Variants in DTNA observed in about 807,000 individuals in gnomAD.
DTNA encodes dystrophin-related protein 3.
Under a neutral mutation model 100.7 loss-of-function variants are expected in DTNA, and 43 were observed. The observed-to-expected ratio is 0.43, with a 90% CI of 0.33 to 0.55. The LOEUF (loss-of-function observed/expected upper bound fraction) is 0.55. DTNA is among the 20% of genes least tolerant of loss of function. The pLI is 0.04. For synonymous variants in DTNA, 349 were observed against 347.9 expected, an observed-to-expected ratio of 1.00 and a Z score of -0.04; for missense variants, 798 against 953.9, an observed-to-expected ratio of 0.84 and a Z score of 2.15.
chr18:34,832,124 T>C (rs1268975725), intron 11 of DTNA, among the ~76,000 whole-genome samples: 1 of 152,236 alleles, frequency 6.6e-6, no homozygotes, highest in Non-Finnish European at 1.5e-5. Context: ...GCCTCTCCTT[T>C]TGAAAATCAA....
At chr18:34,577,144 CTGTA>C (rs1381344609) in intron 1 of DTNA, among the ~76,000 whole-genome samples, 1 of 152,054 alleles carries the variant, frequency 6.6e-6, no homozygotes, top group Non-Finnish European at 1.5e-5. Context: ...TTCATTTTAG[CTGTA>C]TGTATTTGGA....
intron 3 of DTNA, among the ~76,000 whole-genome samples, chr18:34,769,363 A>G (rs1448660221): frequency 6.6e-6 from 1 of 152,234 alleles, no homozygotes; most frequent in Non-Finnish European, 1.5e-5. Context: ...ACATTAGTCA[A>G]CATTGAATAT....
chr18:34,852,313 C>A (rs146714393), intron 15 of DTNA, among the ~76,000 whole-genome samples: 275 of 152,058 alleles, frequency 1.8e-3, no homozygotes, highest in African/African-American at 6.2e-3. Flanking sequence ...CAGAGAGGCC[C>A]CCTGGAAGGA....
intron 1 of DTNA, among the ~76,000 whole-genome samples, chr18:34,734,853 A>C (rs1039051651): frequency 3.3e-5 from 5 of 152,206 alleles, no homozygotes; most frequent in Admixed American, 6.5e-5. Flanking sequence ...ACCAAGGACT[A>C]TCAGTGTTCT....
intron 1 of DTNA, among the ~76,000 whole-genome samples, chr18:34,623,315 A>T (rs1207148626): frequency 1.3e-5 from 2 of 152,246 alleles, no homozygotes; most frequent in Non-Finnish European, 2.9e-5. Flanking sequence ...GAGAGGCTGT[A>T]ATAAACCTCA....
chr18:34,734,981 A>G (rs977264910), intron 1 of DTNA, among the ~76,000 whole-genome samples: 2 of 152,118 alleles, frequency 1.3e-5, no homozygotes, highest in Admixed American at 6.5e-5. Flanking sequence ...TTCCTCTAGA[A>G]CCACTCCTGT....
At position 34,889,672 on chromosome 18, in the gene DTNA, A is replaced by C. The variant is rs16966160; in HGVS notation, c.*1938A>C. ...TCTCCTTGGCTGCCCTTTGAAACCA[A>C]ATCACTTGCCTTGGGGATAAAGTGC... On this transcript the variant is annotated 3_prime_UTR_variant, in exon 23 of 23. Coordinates refer to ENST00000444659, the MANE Select transcript of DTNA (RefSeq NM_001386795.1). 7.2e-3 allele frequency: 7,109 copies of C among 985,762 alleles called. 48 individuals carry two copies. The highest frequency in any genetic ancestry group is 0.027 in the African/African-American group (1,538 of 57,294). 61.1% of individuals were successfully genotyped at this position (985,762 alleles called of 1,614,324 possible).
At chr18:34,619,758 T>C (rs1032415246) in intron 1 of DTNA, among the ~76,000 whole-genome samples, 1 of 152,134 alleles carries the variant, frequency 6.6e-6, no homozygotes, top group Non-Finnish European at 1.5e-5. Flanking sequence ...CCAGTAGTCA[T>C]TAGGATAAAT....
At position 34,884,751 on chromosome 18, in the gene DTNA, A is replaced by G; in HGVS notation, c.*6A>G. ...AGGTCAGCTTGCAAGGTTGAATGCA[A>G]TATCCTTTTATCACACTCCTCTCAA... is the stretch of plus-strand genomic sequence containing the variant. On this transcript the variant is annotated 3_prime_UTR_variant, in exon 22 of 23. Transcript: ENST00000444659. 1 of 1,614,106 alleles carries G rather than the reference A, an allele frequency of 6.2e-7. No homozygotes were observed. Among genetic ancestry groups the G allele is most frequent in the Non-Finnish European group, 8.5e-7 (1 of 1,179,974 alleles).
intron 1 of DTNA, among the ~76,000 whole-genome samples, chr18:34,729,617 C>T (rs936928037): frequency 1.3e-5 from 2 of 152,106 alleles, no homozygotes; most frequent in Non-Finnish European, 2.9e-5. Flanking sequence ...TAATTTAACA[C>T]TCAAATTTTT....
intron 6 of DTNA, among the ~76,000 whole-genome samples, chr18:34,812,996 G>A (rs1010181404): frequency 7.9e-5 from 12 of 152,168 alleles, no homozygotes; most frequent in African/African-American, 2.9e-4. Flanking sequence ...TGTTTTAACT[G>A]GGTATGGCTC....
chr18:34,724,360 G>T (rs568674537), intron 1 of DTNA, among the ~76,000 whole-genome samples: 1 of 152,254 alleles, frequency 6.6e-6, no homozygotes, highest in East Asian at 1.9e-4. Context: ...CTACTAAAGC[G>T]GTGTTTACTA....
intron 1 of DTNA, among the ~76,000 whole-genome samples, chr18:34,516,410 C>T (rs2469898): frequency 0.61 from 92,847 of 151,846 alleles, 29,562 homozygotes; most frequent in East Asian, 0.91. Context: ...CCACTGGGCA[C>T]GCGTTATCAT....
rs765649382 is a variant in DTNA at position 34,879,684 on chromosome 18, C to T, written c.2127C>T (p.His709=). Residue 709 remains histidine (H), a synonymous_variant, in exon 20 of 23, where the codon CAC becomes CAT. Transcript: ENST00000444659. ...QIHARKPGYI[H]SGATTSTMRG... ...ATGCCCGAAAACCTGGGTACATTCA[C>T]AGTGGAGCTACCACAAGTACCATGC... 6 of 1,614,092 alleles carry T rather than the reference C, an allele frequency of 3.7e-6. No individual in the cohort carries two copies. The highest frequency in any genetic ancestry group is 5.1e-6 in the Non-Finnish European group (6 of 1,179,984).
intron 1 of DTNA, among the ~76,000 whole-genome samples, chr18:34,649,729 T>C (rs1305724826): frequency 6.6e-6 from 1 of 152,196 alleles, no homozygotes; most frequent in Non-Finnish European, 1.5e-5. Context: ...TTCTTTTTGA[T>C]ATCTACTCCA....
intron 1 of DTNA, among the ~76,000 whole-genome samples, chr18:34,742,469 T>C (rs1465044875): frequency 6.6e-6 from 1 of 152,072 alleles, no homozygotes; most frequent in Non-Finnish European, 1.5e-5. Flanking sequence ...CTCTCAACAC[T>C]TTATGAGAAC....
intron 1 of DTNA, among the ~76,000 whole-genome samples, chr18:34,552,151 A>G (rs2045491580): frequency 6.6e-6 from 1 of 152,110 alleles, no homozygotes; most frequent in East Asian, 1.9e-4. Flanking sequence ...AGAAATTAAT[A>G]TAACTCATAT....
At chr18:34,839,610 G>C (rs188150057) in intron 13 of DTNA, among the ~76,000 whole-genome samples, 26 of 152,248 alleles carry the variant, frequency 1.7e-4, no homozygotes, top group African/African-American at 5.8e-4. Context: ...TTTCAATCTA[G>C]TTCAGACTAT....
intron 1 of DTNA, among the ~76,000 whole-genome samples, chr18:34,602,268 A>G (rs1249400420): frequency 1.3e-5 from 2 of 152,176 alleles, no homozygotes; most frequent in African/African-American, 2.4e-5. Flanking sequence ...AGCAAATCCA[A>G]TTTGTGTCCT....
Sources: gnomAD v4.1 joint callset for allele counts (sites outside exome capture counted in the v4.1 genomes callset) on GRCh38, gnomAD v4.1.1 for gene constraint, MANE v1.5 for transcripts, NCBI Gene and HGNC (gene_info 2026-07-23, HGNC 2026-07-21) for gene names.